Variants in ASXL3 observed in about 807,000 individuals in gnomAD.
The protein encoded by ASXL3 is ASXL transcriptional regulator 3.
A neutral mutation model predicts 170.6 loss-of-function variants in ASXL3; 34 were observed. The ratio of observed to expected loss-of-function variants is 0.20; its 90% CI spans 0.15 to 0.27. The LOEUF (loss-of-function observed/expected upper bound fraction) is 0.27. Among genes scored for constraint, ASXL3 ranks in the 10% least tolerant of loss-of-function variants. The pLI, the probability that ASXL3 is intolerant of heterozygous loss-of-function variation, is 1.00. For missense variants in ASXL3, 2,592 were observed against 2,695.3 expected, an observed-to-expected ratio of 0.96 and a Z score of 0.85; for synonymous variants, 1,002 against 989.1, an observed-to-expected ratio of 1.01 and a Z score of -0.24.
intron 7 of ASXL3, among the ~76,000 whole-genome samples, chr18:33,675,154 G>A (rs2066405516): frequency 6.6e-6 from 1 of 152,114 alleles, no homozygotes; most frequent in South Asian, 2.1e-4. Flanking sequence ...TAACTGAATG[G>A]CCTAGAAGTT....
In ASXL3 at chr18:33,598,783, G is replaced by T. The variant is rs550486781; in HGVS notation, c.55-8811G>T. On this transcript the variant is annotated intron_variant, in intron 1 of 11. Transcript: ENST00000269197. ...TGTAAGAATCTGCAGGTATGACCAG[G>T]AGGTATTGTGGATAACCATGGGGAT... Among the ~76,000 whole-genome samples the T allele has an allele frequency of 6.6e-5, 10 of 152,316 alleles. No homozygotes were observed. The East Asian group carries it at 1.9e-3, about 29-fold the overall frequency.
At chr18:33,716,713 G>GTAAT (rs2067171020) in intron 8 of ASXL3, among the ~76,000 whole-genome samples, 1 of 152,040 alleles carries the variant, frequency 6.6e-6, no homozygotes, top group African/African-American at 2.4e-5. Context: ...CTGTTGGCTT[G>GTAAT]TAATTACTTT....
chr18:33,648,205 G>A lies in ASXL3; in HGVS notation c.355+1852G>A, dbSNP rs111793067. ...AGGTTTTAGCAGGATCACTAACTAC[G>A]AAAAAGATACGAGAACAAGGAAAAA... On this transcript the variant is annotated intron_variant, in intron 4 of 11. Coordinates refer to ENST00000269197, the MANE Select transcript of ASXL3 (RefSeq NM_030632.3). Among the ~76,000 whole-genome samples, 176 of 152,164 alleles carry A rather than the reference G, an allele frequency of 1.2e-3. 1 individual carries two copies. The highest frequency in any genetic ancestry group is 4.0e-3 in the African/African-American group (165 of 41,548).
chr18:33,734,230 C>G (rs1370783680), intron 9 of ASXL3, 80 bp from the exon 10 acceptor site: 3 of 919,918 alleles, frequency 3.3e-6, no homozygotes, highest in Non-Finnish European at 4.8e-6. Context: ...AAAGTTTACT[C>G]AAATGAATTA....
At chr18:33,615,883 G>A (rs1331060794) in intron 2 of ASXL3, among the ~76,000 whole-genome samples, 3 of 151,934 alleles carry the variant, frequency 2.0e-5, no homozygotes, top group Non-Finnish European at 4.4e-5. Context: ...TTCTAATCTG[G>A]CCGTTTTTAT....
intron 8 of ASXL3, among the ~76,000 whole-genome samples, chr18:33,728,700 A>T (rs1274030619): frequency 6.6e-6 from 1 of 152,144 alleles, no homozygotes; most frequent in African/African-American, 2.4e-5. Context: ...TTAATCCTGA[A>T]GACCTTCACC....
chr18:33,592,386 A>T (rs1011672402), intron 1 of ASXL3, among the ~76,000 whole-genome samples: 1 of 151,988 alleles, frequency 6.6e-6, no homozygotes, highest in Non-Finnish European at 1.5e-5. Flanking sequence ...CAGTTTTTTC[A>T]TTTTTCCTCC....
chr18:33,593,291 C>T (rs1218185074), intron 1 of ASXL3, among the ~76,000 whole-genome samples: 1 of 113,232 alleles, frequency 8.8e-6, no homozygotes, highest in South Asian at 2.9e-4. Flanking sequence ...TGGCCTAGGG[C>T]AGTGCTGGGA....
intron 8 of ASXL3, among the ~76,000 whole-genome samples, chr18:33,716,087 C>T (rs1187070013): frequency 1.3e-5 from 2 of 152,152 alleles, no homozygotes; most frequent in African/African-American, 4.8e-5. Flanking sequence ...CTTATTCTGG[C>T]CTTTAATGGT....
chr18:33,646,666 A>T (rs557769688), intron 4 of ASXL3, among the ~76,000 whole-genome samples: 1 of 151,786 alleles, frequency 6.6e-6, no homozygotes, highest in East Asian at 2.0e-4. Flanking sequence ...TTTCATTCTT[A>T]TGGGAGGACT....
At position 33,670,685 on chromosome 18, in the gene ASXL3, C is replaced by A; in HGVS notation, c.490C>A (p.Gln164Lys). 6.4e-7 allele frequency: 1 copy of A among 1,560,490 alleles called. No individual in the cohort carries two copies. ...TTATGTTTTGTAGGCTTTGAGGCAG[C>A]AGCAGAAAAGAAGAAATGGAGTCTC... ...KKALKQALRQQQKRRNGVSMM... is the reference protein window; with the variant it reads ...KKALKQALRQKQKRRNGVSMM... Residue 164 changes from glutamine (Q) to lysine (K), a missense_variant, in exon 6 of 12, where the codon CAG (glutamine) becomes AAG (lysine). Physicochemically the swap from Gln to Lys is moderately conservative, Grantham distance 53. This residue lies in a region of ASXL3 where 251 missense variants were observed against 281.9 expected (regional missense o/e 0.89). Coordinates refer to ENST00000269197, the MANE Select transcript of ASXL3 (RefSeq NM_030632.3).
Position 33,744,258 on chromosome 18 carries a change from G to C in ASXL3, c.4410G>C (p.Pro1470=). ...CAGCAGCCATAAACCGATCAATTCCGTGTAAAGTCATCGTTGACCACAGCA... is the reference window on the plus strand; with the variant it reads ...CAGCAGCCATAAACCGATCAATTCCCTGTAAAGTCATCGTTGACCACAGCA... ...FAPAAINRSI[P]CKVIVDHSTT... The change falls in exon 12 of 12, where the codon CCG becomes CCC. Residue 1470 remains proline (P), a synonymous_variant. Transcript: ENST00000269197. 3 of 1,613,960 alleles carry C rather than the reference G, an allele frequency of 1.9e-6. No individual in the cohort carries two copies. The highest frequency in any genetic ancestry group is 1.7e-6 in the Non-Finnish European group (2 of 1,179,894).
intron 8 of ASXL3, among the ~76,000 whole-genome samples, chr18:33,712,579 T>A (rs2067086448): frequency 6.6e-6 from 1 of 152,176 alleles, no homozygotes; most frequent in Non-Finnish European, 1.5e-5. Flanking sequence ...CCTCTGATGA[T>A]TTTGAAGCTA....
intron 2 of ASXL3, among the ~76,000 whole-genome samples, chr18:33,612,417 C>T (rs2065349995): frequency 6.6e-6 from 1 of 151,930 alleles, no homozygotes; most frequent in Non-Finnish European, 1.5e-5. Flanking sequence ...TTTAGCGTTC[C>T]TCAGAATAAT....
chr18:33,590,216 G>A (rs558593599), intron 1 of ASXL3, among the ~76,000 whole-genome samples: 15 of 149,172 alleles, frequency 1.0e-4, no homozygotes, highest in East Asian at 6.0e-4. Flanking sequence ...CACAACCTAC[G>A]TGTGTTGTCC....
At chr18:33,703,271 C>T (rs1298536608) in intron 8 of ASXL3, among the ~76,000 whole-genome samples, 1 of 152,162 alleles carries the variant, frequency 6.6e-6, no homozygotes, top group Admixed American at 6.5e-5. Context: ...CCATAGAAAT[C>T]TGTTCTTATG....
At chr18:33,655,295 A>G (rs537504393) in intron 4 of ASXL3, among the ~76,000 whole-genome samples, 87 of 152,134 alleles carry the variant, frequency 5.7e-4, no homozygotes, top group African/African-American at 2.0e-3. Context: ...AATTGGGCTA[A>G]TGAAGCAGGT....
At chr18:33,668,718 A>T (rs888748687) in intron 5 of ASXL3, among the ~76,000 whole-genome samples, 1 of 152,076 alleles carries the variant, frequency 6.6e-6, no homozygotes, top group African/African-American at 2.4e-5. Context: ...TCTGATTACT[A>T]ATTTTTCTAT....
chr18:33,678,459 A>G (rs143988833), intron 7 of ASXL3, among the ~76,000 whole-genome samples: 72 of 152,322 alleles, frequency 4.7e-4, no homozygotes, highest in African/African-American at 1.3e-3. Flanking sequence ...CCAGTGATCA[A>G]TAAGTGTTCT....
Sources: allele counts gnomAD v4.1 joint callset (sites outside exome capture counted in the v4.1 genomes callset), GRCh38; gene constraint gnomAD v4.1.1; regional missense constraint gnomAD v4.1.1; transcripts MANE v1.5; gene names NCBI Gene and HGNC (gene_info 2026-07-23, HGNC 2026-07-21).